Variants in PSMD7 observed in about 807,000 individuals in gnomAD.
The protein encoded by PSMD7 is proteasome 26S subunit, non-ATPase 7, also known as 26S proteasome non-ATPase regulatory subunit 7.
A neutral mutation model predicts 36.4 loss-of-function variants in PSMD7; 13 were observed. The ratio of observed to expected loss-of-function variants is 0.36; its 90% CI spans 0.23 to 0.57. The LOEUF (loss-of-function observed/expected upper bound fraction) is 0.57, where lower values mean the gene tolerates loss of function less well. PSMD7 is among the 20% of genes least tolerant of loss of function. The pLI, the probability that PSMD7 is intolerant of heterozygous loss-of-function variation, is 0.83. For missense variants in PSMD7, 298 were observed against 393.6 expected (o/e 0.76, Z 2.06); for synonymous variants, 186 against 151.0 (o/e 1.23, Z -1.70).
chr16:74,305,839 G>A lies in PSMD7; in HGVS notation c.*106G>A. 7.9e-6 allele frequency: 10 copies of A among 1,273,852 alleles called. No individual in the cohort carries two copies. Among genetic ancestry groups the A allele is most frequent in the Non-Finnish European group, 1.0e-5 (10 of 983,926 alleles). 78.9% of individuals were successfully genotyped at this position (1,273,852 alleles called of 1,614,324 possible). A position where few individuals can be genotyped will look rare whatever the true frequency, so the allele number is the denominator to read the frequency against. On this transcript the variant is annotated 3_prime_UTR_variant, in exon 7 of 7. Transcript: ENST00000219313. ...CACTTGACATGCTTATTAGAAAGCT[G>A]ACCCAACAAGAGCTCTCTGCCTCCG...
chr16:74,300,237 A>G (rs1471819055), intron 2 of PSMD7, 31 bp downstream of exon 2: 10 of 1,558,412 alleles, frequency 6.4e-6, no homozygotes, highest in Non-Finnish European at 8.9e-6. Flanking sequence ...TTTTCCGAGC[A>G]TGATTAAAAT....
chr16:74,300,400 T>G, intron 2 of PSMD7, 194 bp downstream of exon 2: 1 of 594,670 alleles, frequency 1.7e-6, no homozygotes, highest in Non-Finnish European at 3.0e-6. Flanking sequence ...CCATGTGGTC[T>G]CCACTGCACC....
chr16:74,304,412 C>T lies in PSMD7; in HGVS notation c.530+18C>T, dbSNP rs773404318. On this transcript the variant is annotated intron_variant, in intron 6 of 6. Transcript: ENST00000219313. ...TTGTTACGGTGAGACCCTAGTACAG[C>T]ATCAAAATCATTCACTGCCCGAGAG... The T allele has an allele frequency of 6.3e-7, 1 of 1,597,868 alleles. No individual in the cohort carries two copies. Among genetic ancestry groups the T allele is most frequent in the Non-Finnish European group, 8.6e-7 (1 of 1,165,540 alleles).
rs374062620 is a variant in PSMD7 at position 74,305,657 on chromosome 16, G to A, written c.899G>A (p.Arg300Lys). 3.9e-6 allele frequency: 6 copies of A among 1,548,296 alleles called. No individual in the cohort carries two copies. The highest frequency in any genetic ancestry group is 1.9e-5 in the Admixed American group (1 of 52,070). Reference protein sequence around the residue: ...GQEKEESKKDRKEDKEKDKDK... With the variant: ...GQEKEESKKDKKEDKEKDKDK... The stretch of plus-strand genomic sequence containing the variant: ...GAGAAAGAAGAGAGCAAAAAGGATA[G>A]GAAAGAGGACAAGGAGAAAGATAAA... The change falls in exon 7 of 7, where the codon AGG becomes AAG. Residue 300 changes from arginine (R) to lysine (K), a missense_variant. Transcript: ENST00000219313.
chr16:74,300,844 G>A (rs1156444967), intron 2 of PSMD7, among the ~76,000 whole-genome samples: 1 of 152,170 alleles, frequency 6.6e-6, no homozygotes, highest in Non-Finnish European at 1.5e-5. Flanking sequence ...TAGTTGCCAG[G>A]TATTCCAGTT....
chr16:74,300,446 T>A, intron 2 of PSMD7: 1 of 526,728 alleles, frequency 1.9e-6, no homozygotes, highest in Non-Finnish European at 3.4e-6. Flanking sequence ...AGAGCTGCTA[T>A]AGACAACATG....
intron 2 of PSMD7, 69 bp from the exon 3 acceptor site, chr16:74,300,983 T>A: frequency 1.1e-6 from 1 of 929,940 alleles, no homozygotes; most frequent in African/African-American, 1.6e-5. Context: ...GGCCTAGGGG[T>A]CTTCAATTGT....
chr16:74,305,019 TCCTTAAGTGGAAATGG>T, intron 6 of PSMD7: 3 of 396,194 alleles, frequency 7.6e-6, no homozygotes, highest in Non-Finnish European at 1.3e-5. Flanking sequence ...AATTTTTTTT[TCCTTAAGTGGAAATGG>T]TTTTATTTTA....
rs1337774695 is a variant in PSMD7, at chr16:74,301,611, A to G, written c.316A>G (p.Ile106Val). ...HTGPKLHKND[I>V]AINELMKRYC... Reference sequence around the variant, plus strand: ...AGGCCCTAAACTACACAAGAATGACATTGCCATCAACGAACTCATGAAAAG... The same window carrying G: ...AGGCCCTAAACTACACAAGAATGACGTTGCCATCAACGAACTCATGAAAAG... Residue 106 changes from isoleucine to valine, a missense_variant, in exon 4 of 7, where the codon ATT becomes GTT. Transcript: ENST00000219313. 1 of 1,613,798 alleles carries G rather than the reference A, an allele frequency of 6.2e-7. No individual in the cohort carries two copies. The highest frequency in any genetic ancestry group is 8.5e-7 in the Non-Finnish European group (1 of 1,179,722).
intron 1 of PSMD7, 86 bp from the exon 2 acceptor site, chr16:74,300,029 A>G: frequency 8.5e-7 from 1 of 1,171,468 alleles, no homozygotes. Flanking sequence ...TATCTGTGCC[A>G]TTGATATTTC....
At chr16:74,302,965 T>G (rs1007881186) in intron 5 of PSMD7, among the ~76,000 whole-genome samples, 2 of 152,224 alleles carry the variant, frequency 1.3e-5, no homozygotes, top group Non-Finnish European at 2.9e-5. Flanking sequence ...TAGAGCCAAA[T>G]GTATTGCCTA....
chr16:74,304,394 G>A lies in PSMD7; in HGVS notation c.530G>A (p.Arg177Gln), dbSNP rs755874142. The A allele has an allele frequency of 1.9e-6, 3 of 1,611,400 alleles. No homozygotes were observed. Among genetic ancestry groups the A allele is most frequent in the Non-Finnish European group, 2.5e-6 (3 of 1,177,638 alleles). Residue 177 changes from arginine (R) to glutamine (Q), a missense_variant and splice_region_variant, in exon 6 of 7, where the codon CGA (arginine) becomes CAA (glutamine). Physicochemically the swap from Arg to Gln is conservative, Grantham distance 43. Coordinates refer to ENST00000219313, the MANE Select transcript of PSMD7 (RefSeq NM_002811.5). ...GAAGTTGGAGTTGAACACTTGTTAC[G>A]GTGAGACCCTAGTACAGCATCAAAA... Reference protein sequence around the residue: ...AEEVGVEHLLRDIKDTTVGTL... With the variant: ...AEEVGVEHLLQDIKDTTVGTL...
chr16:74,300,051 CTTA>C lies in PSMD7; in HGVS notation c.75-61_75-59del, dbSNP rs997061832. The C allele has an allele frequency of 5.1e-6, 7 of 1,369,590 alleles. No homozygotes were observed. In the African/African-American group the frequency reaches 1.0e-4, roughly 20 times the overall value. 84.8% of individuals were successfully genotyped at this position (1,369,590 alleles called of 1,614,324 possible). On this transcript the variant is annotated intron_variant, in intron 1 of 6. Transcript: ENST00000219313. The stretch of plus-strand genomic sequence containing the variant: ...GCCATTGATATTTCCCATTGAGTAT[CTTA>C]TTGTTGGGTTCATGTTTCTGTGCGA...
chr16:74,301,694 TG>T (rs1210463218), intron 4 of PSMD7, 42 bp downstream of exon 4: 1 of 1,532,074 alleles, frequency 6.5e-7, no homozygotes. Flanking sequence ...TGATTTTTTT[TG>T]CCAGCCAGCT....
chr16:74,305,496 C>A lies in PSMD7; in HGVS notation c.738C>A (p.Val246=). The A allele has an allele frequency of 6.2e-7, 1 of 1,614,140 alleles. No individual in the cohort carries two copies. Among genetic ancestry groups the A allele is most frequent in the South Asian group, 1.1e-5 (1 of 91,082 alleles). ...LLPDVSLQEF[V]KAFYLKTNDQ... ...CAGATGTCAGCCTGCAGGAGTTCGT[C>A]AAGGCCTTTTACCTGAAGACCAATG... Residue 246 remains valine, a synonymous_variant, in exon 7 of 7, where the codon GTC becomes GTA. Transcript: ENST00000219313.
intron 1 of PSMD7, among the ~76,000 whole-genome samples, chr16:74,297,205 G>A (rs1332532249): frequency 6.6e-6 from 1 of 152,244 alleles, no homozygotes; most frequent in Non-Finnish European, 1.5e-5. Context: ...GGCCTTGGCT[G>A]CCTGTTCCGT....
At chr16:74,300,675 T>C (rs1164564582) in intron 2 of PSMD7, among the ~76,000 whole-genome samples, 12 of 152,254 alleles carry the variant, frequency 7.9e-5, no homozygotes. Context: ...TGATACTGGA[T>C]GACCTCTGGA....
chr16:74,304,377 A>C lies in PSMD7; in HGVS notation c.513A>C (p.Gly171=). 1 of 1,613,950 alleles carries C rather than the reference A, an allele frequency of 6.2e-7. No homozygotes were observed. Among genetic ancestry groups the C allele is most frequent in the South Asian group, 1.1e-5 (1 of 91,080 alleles). ...EIGAEEAEEV[G]VEHLLRDIKD... ...GAGCAGAGGAAGCTGAGGAAGTTGGAGTTGAACACTTGTTACGGTGAGACC... is the reference window on the plus strand; with the variant it reads ...GAGCAGAGGAAGCTGAGGAAGTTGGCGTTGAACACTTGTTACGGTGAGACC... Residue 171 remains glycine (G), a synonymous_variant, in exon 6 of 7, where the codon GGA becomes GGC. Coordinates refer to ENST00000219313, the MANE Select transcript of PSMD7 (RefSeq NM_002811.5).
At chr16:74,298,133 G>A (rs2034127922) in intron 1 of PSMD7, among the ~76,000 whole-genome samples, 1 of 148,606 alleles carries the variant, frequency 6.7e-6, no homozygotes, top group East Asian at 2.0e-4. Flanking sequence ...ACTCCAGCCT[G>A]GGTGAGAGTG....
Sources: allele counts gnomAD v4.1 joint callset (sites outside exome capture counted in the v4.1 genomes callset), GRCh38; gene constraint gnomAD v4.1.1; transcripts MANE v1.5; gene names NCBI Gene and HGNC (gene_info 2026-07-23, HGNC 2026-07-21).